The following LIN54 variants were observed in gnomAD, a reference collection of about 807,000 sequenced individuals.
The protein encoded by LIN54 is protein lin-54 homolog.
A neutral mutation model predicts 78.7 loss-of-function variants in LIN54; 9 were observed. That is an observed-to-expected ratio of 0.11 (90% CI 0.07 to 0.20). LIN54 has a LOEUF of 0.20. LIN54 is among the 10% of genes least tolerant of loss of function. LIN54 has a pLI of 1.00. For missense variants in LIN54, 573 were observed against 889.9 expected, an observed-to-expected ratio of 0.64 and a Z score of 4.53; for synonymous variants, 269 against 318.4, an observed-to-expected ratio of 0.84 and a Z score of 1.65.
Position 82,996,003 on chromosome 4 carries a change from G to A in LIN54, c.-32-11127C>T, listed in dbSNP as rs183064868. Among the ~76,000 whole-genome samples, 320 of 151,936 alleles carry A rather than the reference G, an allele frequency of 2.1e-3. 7 individuals are homozygous for A. Among genetic ancestry groups the A allele is most frequent in the Non-Finnish European group, 3.5e-3 (235 of 67,898 alleles). On this transcript the variant is annotated intron_variant, in intron 1 of 12. Transcript: ENST00000340417. ...TCTACTAAAAATACAAAATTAGCTG[G>A]GCGTGGTGGCTCATGCCTGTAATCC...
intron 1 of LIN54, among the ~76,000 whole-genome samples, chr4:83,006,800 C>T (rs897678455): frequency 2.6e-5 from 4 of 152,160 alleles, no homozygotes; most frequent in African/African-American, 9.7e-5. Context: ...ATGATAATTA[C>T]ATGAATTTCA....
chr4:83,008,521 G>A (rs1361838312), intron 1 of LIN54, among the ~76,000 whole-genome samples: 2 of 152,152 alleles, frequency 1.3e-5, no homozygotes, highest in Admixed American at 1.3e-4. Context: ...GCGTGGTGGC[G>A]GGCGCCTGTA....
In LIN54 at chr4:82,984,823, C is replaced by G; in HGVS notation, c.22G>C (p.Val8Leu). MEVVPAE[V>L]NSLLPEEIMD... ...ATTTCCTCTGGAAGCAAACTATTCA[C>G]CTCAGCTGGCACCACCTCCATGATC... The change falls in exon 2 of 13, where the codon GTG becomes CTG. Residue 8 changes from valine to leucine, a missense_variant. By Grantham distance (32) the Val-to-Leu change is conservative. This residue lies in a region of LIN54 where 183 missense variants were observed against 228.4 expected (regional missense o/e 0.80). Coordinates refer to ENST00000340417, the MANE Select transcript of LIN54 (RefSeq NM_194282.4). 1 of 1,611,258 alleles carries G rather than the reference C, an allele frequency of 6.2e-7. No individual in the cohort carries two copies. Among genetic ancestry groups the G allele is most frequent in the Non-Finnish European group, 8.5e-7 (1 of 1,178,682 alleles).
Position 83,000,971 on chromosome 4 carries a change from C to T in LIN54, c.-33+9513G>A, listed in dbSNP as rs1205288816. On this transcript the variant is annotated intron_variant, in intron 1 of 12. Transcript: ENST00000340417. ...TAGCTGGGATCAAAGGCACGCGCCA[C>T]CACGCCCAGCTAATTTTTGTATTTT... 3.3e-5 allele frequency among the ~76,000 whole-genome samples: 5 copies of T among 151,974 alleles called. No individual in the cohort carries two copies. In the East Asian group the frequency reaches 5.8e-4, roughly 18 times the overall value.
At position 83,001,512 on chromosome 4, in the gene LIN54, C is replaced by T. The variant is rs189336921; in HGVS notation, c.-33+8972G>A. 9.2e-4 allele frequency among the ~76,000 whole-genome samples: 139 copies of T among 151,664 alleles called. 3 individuals carry two copies. In the East Asian group the frequency reaches 0.024, roughly 27 times the overall value. On this transcript the variant is annotated intron_variant, in intron 1 of 12. Transcript: ENST00000340417. ...ATGCGGTGAGCTATGATCACACCAC[C>T]GCACTCCAGCCTGAGCAGGAGTGAA...
At chr4:82,987,201 T>TA (rs1317174600) in intron 1 of LIN54, among the ~76,000 whole-genome samples, 1 of 151,896 alleles carries the variant, frequency 6.6e-6, no homozygotes, top group Admixed American at 6.5e-5. Flanking sequence ...TGAAGCACAA[T>TA]AATCGCTTGA....
chr4:83,009,185 C>G (rs902192498), intron 1 of LIN54, among the ~76,000 whole-genome samples: 3 of 152,148 alleles, frequency 2.0e-5, no homozygotes, highest in Admixed American at 1.3e-4. Flanking sequence ...ACTATACACA[C>G]CTATTCACAC....
chr4:82,993,167 A>G (rs1190995283), intron 1 of LIN54, among the ~76,000 whole-genome samples: 4 of 146,520 alleles, frequency 2.7e-5, no homozygotes, highest in African/African-American at 1.0e-4. Context: ...TAAATTAACT[A>G]TTATCTTTAC....
intron 8 of LIN54, 83 bp downstream of exon 8, chr4:82,938,328 AAG>A: frequency 1.3e-6 from 1 of 773,862 alleles, no homozygotes; most frequent in Non-Finnish European, 2.2e-6. Context: ...AAAAAAATAA[AAG>A]AGGATGTAGT....
intron 4 of LIN54, among the ~76,000 whole-genome samples, chr4:82,953,744 G>A (rs1336873575): frequency 6.6e-6 from 1 of 152,210 alleles, no homozygotes; most frequent in African/African-American, 2.4e-5. Context: ...GAGCCAGGCA[G>A]TTCAAGACCA....
intron 4 of LIN54, among the ~76,000 whole-genome samples, chr4:82,964,195 C>T (rs1413013774): frequency 1.3e-5 from 2 of 151,948 alleles, no homozygotes; most frequent in Admixed American, 6.6e-5. Flanking sequence ...GGACTACAGG[C>T]GTGTGCCACC....
intron 9 of LIN54, among the ~76,000 whole-genome samples, chr4:82,936,638 C>G (rs1722412842): frequency 6.6e-6 from 1 of 151,960 alleles, no homozygotes; most frequent in Admixed American, 6.6e-5. Context: ...CACACAAGAG[C>G]TGTCACACAT....
intron 3 of LIN54, among the ~76,000 whole-genome samples, chr4:82,975,438 C>T (rs1267501435): frequency 2.0e-5 from 3 of 151,712 alleles, no homozygotes; most frequent in East Asian, 1.9e-4. Context: ...AGGCCAGGCG[C>T]GGTGGCTCAT....
chr4:82,953,003 G>A (rs1384439543), intron 4 of LIN54, among the ~76,000 whole-genome samples: 1 of 152,220 alleles, frequency 6.6e-6, no homozygotes, highest in East Asian at 1.9e-4. Context: ...GAGACAAGAT[G>A]TCGCTTTGTG....
intron 4 of LIN54, among the ~76,000 whole-genome samples, chr4:82,947,207 T>TTATATATATATATATATATATA (rs1207992875): frequency 1.3e-5 from 1 of 76,224 alleles, no homozygotes; most frequent in African/African-American, 5.7e-5. Context: ...AAAAAAAAAT[T>TTATATATATATATATATATATA]TATATATATA....
intron 4 of LIN54, among the ~76,000 whole-genome samples, chr4:82,968,704 C>T (rs1441055711): frequency 1.3e-5 from 2 of 152,146 alleles, no homozygotes; most frequent in Non-Finnish European, 2.9e-5. Flanking sequence ...CTCAAGAGGT[C>T]CCCAGTACTA....
intron 4 of LIN54, among the ~76,000 whole-genome samples, chr4:82,966,035 C>T (rs969112845): frequency 6.6e-6 from 1 of 152,056 alleles, no homozygotes; most frequent in Non-Finnish European, 1.5e-5. Context: ...CTACTAATAA[C>T]CCCCTTATCA....
intron 3 of LIN54, among the ~76,000 whole-genome samples, chr4:82,974,024 C>A (rs1382773342): frequency 2.0e-5 from 3 of 152,050 alleles, no homozygotes; most frequent in Non-Finnish European, 4.4e-5. Flanking sequence ...TCCTGGCTAA[C>A]ACGGTGAAAC....
intron 11 of LIN54, among the ~76,000 whole-genome samples, 154 bp from the exon 12 acceptor site, chr4:82,931,299 C>T (rs577573052): frequency 6.6e-6 from 1 of 152,296 alleles, no homozygotes; most frequent in East Asian, 1.9e-4. Flanking sequence ...AGTAACTACA[C>T]ATGTGGCTAG....
Sources: gnomAD v4.1 joint callset for allele counts (sites outside exome capture counted in the v4.1 genomes callset) on GRCh38, gnomAD v4.1.1 for gene constraint, gnomAD v4.1.1 regional missense constraint, MANE v1.5 for transcripts, NCBI Gene and HGNC (gene_info 2026-07-23, HGNC 2026-07-21) for gene names.